Variants in CHRNG observed in about 807,000 individuals in gnomAD.
CHRNG encodes cholinergic receptor nicotinic gamma subunit.
Under a neutral mutation model 65.2 loss-of-function variants are expected in CHRNG, and 72 were observed. The observed-to-expected ratio is 1.10, with a 90% CI of 0.91 to 1.34. The LOEUF (loss-of-function observed/expected upper bound fraction) is 1.34, where lower values mean the gene tolerates loss of function less well. CHRNG is among the 40% of genes most tolerant of loss of function. CHRNG has a pLI of 0.00. For missense variants in CHRNG, 637 were observed against 680.1 expected, an observed-to-expected ratio of 0.94 and a Z score of 0.70; for synonymous variants, 284 against 290.2, an observed-to-expected ratio of 0.98 and a Z score of 0.22.
chr2:232,542,084 G>A (rs996002100), intron 5 of CHRNG, among the ~76,000 whole-genome samples: 7 of 152,104 alleles, frequency 4.6e-5, no homozygotes, highest in African/African-American at 1.4e-4. Flanking sequence ...GTAGACACGG[G>A]GGTCCTCCTG....
chr2:232,542,647 T>A, intron 6 of CHRNG, 127 bp downstream of exon 6: 1 of 755,056 alleles, frequency 1.3e-6, no homozygotes, highest in Non-Finnish European at 2.3e-6. Context: ...CAGCAAACCA[T>A]AAAATATGCT....
intron 10 of CHRNG, 68 bp downstream of exon 10, chr2:232,544,648 C>T: frequency 4.5e-6 from 7 of 1,561,974 alleles, no homozygotes; most frequent in Non-Finnish European, 6.2e-6. Flanking sequence ...CCAGGCACAG[C>T]AGATGAGTGC....
Position 232,545,566 on chromosome 2 carries a change from G to A in CHRNG, c.1404G>A (p.Val468=). ...AGGGGAATGAGGAGTGGTTCCTGGT[G>A]GGCCGAGTGCTGGACCGCGTCTGCT... The part of the protein sequence containing the change: ...FDNGNEEWFL[V]GRVLDRVCFL... Residue 468 remains valine, a synonymous_variant, in exon 12 of 12, where the codon GTG becomes GTA. Transcript: ENST00000651502. The A allele has an allele frequency of 6.2e-7, 1 of 1,613,950 alleles. No homozygotes were observed. Among genetic ancestry groups the A allele is most frequent in the African/African-American group, 1.3e-5 (1 of 75,050 alleles).
chr2:232,547,024 G>A lies in CHRNG; in HGVS notation c.*1308G>A, dbSNP rs908232217. Among the ~76,000 whole-genome samples, 7 of 152,196 alleles carry A rather than the reference G, an allele frequency of 4.6e-5. No homozygotes were observed. Among genetic ancestry groups the A allele is most frequent in the African/African-American group, 1.4e-4 (6 of 41,446 alleles). ...TGCTCTGAGATTACAGCCGGCACAC[G>A]AGTTTGGCTGGTAACCAGGGGACAC... On this transcript the variant is annotated 3_prime_UTR_variant, in exon 12 of 12. Transcript: ENST00000651502.
Position 232,546,933 on chromosome 2 carries a change from T to C in CHRNG, c.*1217T>C, listed in dbSNP as rs182638119. Among the ~76,000 whole-genome samples, 816 of 150,214 alleles carry C rather than the reference T, an allele frequency of 5.4e-3. 8 individuals carry two copies. The highest frequency in any genetic ancestry group is 0.019 in the African/African-American group (777 of 41,020). ...CTTCATTCCAGGAGGAGACTTTGAC[T>C]GGCCTCCCTTGACCCCACTAATCAG... On this transcript the variant is annotated 3_prime_UTR_variant, in exon 12 of 12. Transcript: ENST00000651502.
chr2:232,544,750 C>T, intron 10 of CHRNG, 22 bp from the exon 11 acceptor site: 2 of 1,613,826 alleles, frequency 1.2e-6, no homozygotes, highest in South Asian at 1.1e-5. Context: ...TACTCCCAAA[C>T]CTTACCCTTT....
Position 232,541,277 on chromosome 2 carries a change from A to T in CHRNG, c.351-97A>T. Reference sequence around the variant, plus strand: ...CAGGCTGGTAGGGACTGGTGTCCCCAGGCCCCTATCCACATGGGGCACAGG... The same window carrying T: ...CAGGCTGGTAGGGACTGGTGTCCCCTGGCCCCTATCCACATGGGGCACAGG... On this transcript the variant is annotated intron_variant, in intron 4 of 11. Coordinates refer to ENST00000651502, the MANE Select transcript of CHRNG (RefSeq NM_005199.5). The surrounding 1 kb of genome is among the most constrained non-coding windows in gnomAD (Gnocchi z 4.0). The T allele has an allele frequency of 6.8e-7, 1 of 1,468,396 alleles. No homozygotes were observed. 91.0% of individuals were successfully genotyped at this position (1,468,396 alleles called of 1,614,324 possible).
rs1283165137 is a variant in CHRNG, at chr2:232,540,268, GT to G, written c.196-112del. On this transcript the variant is annotated intron_variant, in intron 2 of 11. Transcript: ENST00000651502. This position sits in a 1 kb window ranked among gnomAD's most constrained non-coding sequence, Gnocchi z 4.2. ...TGGGGTCTGGAAAACCCCCATGGTT[GT>G]GGGGGGAGTACTATCAAGAGGCTGG... 1 of 1,589,002 alleles carries G rather than the reference GT, an allele frequency of 6.3e-7. No homozygotes were observed. The highest frequency in any genetic ancestry group is 1.3e-5 in the African/African-American group (1 of 74,410).
At chr2:232,544,316 T>G (rs1459719583) in intron 9 of CHRNG, 51 bp from the exon 10 acceptor site, 1 of 1,417,196 alleles carries the variant, frequency 7.1e-7, no homozygotes, top group Admixed American at 1.7e-5. Flanking sequence ...AACCTCTGGC[T>G]TCTGCTCTGA....
chr2:232,543,611 C>CCATCCTCATTGTCGTGAATGCTGTGG lies in CHRNG; in HGVS notation c.948_973dup (p.Val325AlafsTer6). On this transcript the variant is annotated frameshift_variant, in exon 9 of 12. Coordinates refer to ENST00000651502, the MANE Select transcript of CHRNG (RefSeq NM_005199.5). LOFTEE classifies it high-confidence loss of function. ...TACCTGACCTTCCTCCTGGTGGTGA[C>CCATCCTCATTGTCGTGAATGCTGTGG]CATCCTCATTGTCGTGAATGCTGTG... 6.2e-7 allele frequency: 1 copy of CCATCCTCATTGTCGTGAATGCTGTGG among 1,613,058 alleles called. No individual in the cohort carries two copies. The highest frequency in any genetic ancestry group is 8.5e-7 in the Non-Finnish European group (1 of 1,179,038).
rs1413148254 is a variant in CHRNG at position 232,541,268 on chromosome 2, G to A, written c.351-106G>A. The A allele has an allele frequency of 2.2e-6, 3 of 1,393,286 alleles. No individual in the cohort carries two copies. Among genetic ancestry groups the A allele is most frequent in the East Asian group, 4.6e-5 (2 of 43,748 alleles). The allele number at this position is 1,393,286 out of a possible 1,614,324, so 86.3% of individuals were successfully genotyped here. On this transcript the variant is annotated intron_variant, in intron 4 of 11. Transcript: ENST00000651502. The surrounding 1 kb of genome is among the most constrained non-coding windows in gnomAD (Gnocchi z 4.0). Reference sequence around the variant, plus strand: ...AGGGGGTGACAGGCTGGTAGGGACTGGTGTCCCCAGGCCCCTATCCACATG... The same window carrying A: ...AGGGGGTGACAGGCTGGTAGGGACTAGTGTCCCCAGGCCCCTATCCACATG...
rs1276963596 is a variant in CHRNG, at chr2:232,543,215, G to A, written c.806-60G>A. 2.6e-6 allele frequency: 4 copies of A among 1,537,392 alleles called. No individual in the cohort carries two copies. The East Asian group carries it at 9.0e-5, about 35-fold the overall frequency. The stretch of plus-strand genomic sequence containing the variant: ...GCAGCGGGCTACTTCTGGGGTAAGG[G>A]GTTCCTCTGTGGGTGGGGGAGGTAG... On this transcript the variant is annotated intron_variant, in intron 7 of 11. Transcript: ENST00000651502.
At chr2:232,542,789 C>T in intron 6 of CHRNG, 93 bp from the exon 7 acceptor site, 1 of 1,142,360 alleles carries the variant, frequency 8.8e-7, no homozygotes, top group Non-Finnish European at 1.3e-6. Flanking sequence ...CTCCTTAGGG[C>T]ACATGCTGCC....
chr2:232,546,015 T>C lies in CHRNG; in HGVS notation c.*299T>C. The C allele has an allele frequency of 1.9e-6, 1 of 516,470 alleles. No homozygotes were observed. The highest frequency in any genetic ancestry group is 3.6e-5 in the East Asian group (1 of 27,640). The allele number at this position is 516,470 out of a possible 1,614,324, so 32.0% of individuals were successfully genotyped here. A position where few individuals can be genotyped will look rare whatever the true frequency, so the allele number is the denominator to read the frequency against. On this transcript the variant is annotated 3_prime_UTR_variant, in exon 12 of 12. Coordinates refer to ENST00000651502, the MANE Select transcript of CHRNG (RefSeq NM_005199.5). ...CACTCCCCTCACTTAGGCAAAGCAT[T>C]ATTCATTCCCATCAGTCTGAAGCCC... is the stretch of plus-strand genomic sequence containing the variant.
chr2:232,543,396 C>A lies in CHRNG; in HGVS notation c.920+7C>A. ...CGGTGCCACTCATCAGCAAGTAAGG[C>A]TGGTCTTCATGTCCACCCGCCTATG... On this transcript the variant is annotated splice_region_variant and intron_variant, in intron 8 of 11. Transcript: ENST00000651502. 1 of 1,599,332 alleles carries A rather than the reference C, an allele frequency of 6.3e-7. No individual in the cohort carries two copies. The highest frequency in any genetic ancestry group is 8.6e-7 in the Non-Finnish European group (1 of 1,166,870).
In CHRNG at chr2:232,541,656, C is replaced by A; in HGVS notation, c.506+127C>A. 8.5e-7 allele frequency: 1 copy of A among 1,176,046 alleles called. No homozygotes were observed. Among genetic ancestry groups the A allele is most frequent in the Non-Finnish European group, 1.3e-6 (1 of 799,846 alleles). 72.9% of individuals were successfully genotyped at this position (1,176,046 alleles called of 1,614,324 possible). Reference sequence around the variant, plus strand: ...GCACCTAGAGGCCTGGCTCCATCTCCCCTGGGCCTCTGTGCCCATCTCAGG... The same window carrying A: ...GCACCTAGAGGCCTGGCTCCATCTCACCTGGGCCTCTGTGCCCATCTCAGG... On this transcript the variant is annotated intron_variant, in intron 5 of 11. Coordinates refer to ENST00000651502, the MANE Select transcript of CHRNG (RefSeq NM_005199.5). This position sits in a 1 kb window ranked among gnomAD's most constrained non-coding sequence, Gnocchi z 4.0.
rs1351069897 is a variant in CHRNG, at chr2:232,540,376, C to T, written c.196-5C>T. The T allele has an allele frequency of 1.2e-6, 2 of 1,614,056 alleles. No individual in the cohort carries two copies. The highest frequency in any genetic ancestry group is 1.1e-5 in the South Asian group (1 of 91,084). ...GCCCTCCATACTACACCCTTGCACC[C>T]CCAGAACGAGCGAGAGGAAGCCCTC... On this transcript the variant is annotated splice_region_variant and splice_polypyrimidine_tract_variant and intron_variant, in intron 2 of 11. Transcript: ENST00000651502. This position sits in a 1 kb window ranked among gnomAD's most constrained non-coding sequence, Gnocchi z 4.2.
intron 7 of CHRNG, 51 bp downstream of exon 7, chr2:232,543,133 G>C: frequency 6.3e-7 from 1 of 1,587,684 alleles, no homozygotes; most frequent in South Asian, 1.1e-5. Context: ...GGGACACCTG[G>C]GAGGCCGGGG....
rs556773572 is a variant in CHRNG at position 232,540,235 on chromosome 2, G to A, written c.195+104G>A. ...CCAAGAGGTTGGAGGGCCCTAAATC[G>A]GACAGGCTGGGGTCTGGAAAACCCC... On this transcript the variant is annotated intron_variant, in intron 2 of 11. Coordinates refer to ENST00000651502, the MANE Select transcript of CHRNG (RefSeq NM_005199.5). The surrounding 1 kb of genome is among the most constrained non-coding windows in gnomAD (Gnocchi z 4.2). The A allele has an allele frequency of 1.1e-5, 17 of 1,604,548 alleles. No homozygotes were observed. The highest frequency in any genetic ancestry group is 4.5e-5 in the East Asian group (2 of 44,764).
Sources: gnomAD v4.1 joint callset for allele counts (sites outside exome capture counted in the v4.1 genomes callset) on GRCh38, gnomAD v4.1.1 for gene constraint, Gnocchi (gnomAD v3.1) non-coding constraint, MANE v1.5 for transcripts, NCBI Gene and HGNC (gene_info 2026-07-23, HGNC 2026-07-21) for gene names.